The following POFUT2 variants were observed in gnomAD, a reference collection of about 807,000 sequenced individuals.
The protein encoded by POFUT2 is GDP-fucose protein O-fucosyltransferase 2.
POFUT2 carries 30 observed loss-of-function variants against 55.0 expected under a neutral mutation model. The observed-to-expected ratio is 0.55, with a 90% CI of 0.41 to 0.74. The LOEUF (loss-of-function observed/expected upper bound fraction) is 0.74, where lower values mean the gene tolerates loss of function less well. Ranked by LOEUF, POFUT2 falls within the 30% of genes least tolerant of loss-of-function variation. POFUT2 has a pLI of 0.00. For synonymous variants in POFUT2, 267 were observed against 231.1 expected (o/e 1.16, Z -1.41); for missense variants, 524 against 562.6 (o/e 0.93, Z 0.69).
chr21:45,276,111 C>T (rs2093260840), intron 6 of POFUT2, among the ~76,000 whole-genome samples: 2 of 152,162 alleles, frequency 1.3e-5, no homozygotes, highest in South Asian at 4.1e-4. Context: ...ATTGCTTGAA[C>T]CCGGGAGGCA....
chr21:45,282,257 T>C lies in POFUT2; in HGVS notation c.638+92A>G, dbSNP rs2030765630. The stretch of plus-strand genomic sequence containing the variant: ...GTCTGTGAGGTGGGTGGGCCAGGGA[T>C]GCGGGAGTATGGGCGGAGAGCCCCC... On this transcript the variant is annotated intron_variant, in intron 4 of 8. Coordinates refer to ENST00000349485, the MANE Select transcript of POFUT2 (RefSeq NM_133635.6). The surrounding 1 kb of genome is among the most constrained non-coding windows in gnomAD (Gnocchi z 4.6). 1 of 835,136 alleles carries C rather than the reference T, an allele frequency of 1.2e-6. No homozygotes were observed. Among genetic ancestry groups the C allele is most frequent in the Non-Finnish European group, 2.0e-6 (1 of 502,744 alleles). The allele number at this position is 835,136 out of a possible 1,614,324, so 51.7% of individuals were successfully genotyped here. A position where few individuals can be genotyped will look rare whatever the true frequency, so the allele number is the denominator to read the frequency against.
chr21:45,285,978 A>C lies in POFUT2; in HGVS notation c.132-50T>G. 6.5e-7 allele frequency: 1 copy of C among 1,537,674 alleles called. No individual in the cohort carries two copies. The highest frequency in any genetic ancestry group is 8.8e-7 in the Non-Finnish European group (1 of 1,139,530). ...AGGTCTCAAATGCTGAGGTTTCTGC[A>C]CGGAAAACCCGACTGCTCACAAGTC... On this transcript the variant is annotated intron_variant, in intron 1 of 8. Coordinates refer to ENST00000349485, the MANE Select transcript of POFUT2 (RefSeq NM_133635.6). This position sits in a 1 kb window ranked among gnomAD's most constrained non-coding sequence, Gnocchi z 4.9.
chr21:45,266,780 G>A, intron 8 of POFUT2: 1 of 997,330 alleles, frequency 1.0e-6, no homozygotes, highest in Non-Finnish European at 1.2e-6. Context: ...GCATTCCTCG[G>A]GCAGGAGAGA....
rs892014589 is a variant in POFUT2 at position 45,282,034 on chromosome 21, C to G, written c.638+315G>C. ...TAAAAGCTGCCCAAGTGCTACAAATCGAGAACAGTCTCATGGTGAGCTCCC... is the reference window on the plus strand; with the variant it reads ...TAAAAGCTGCCCAAGTGCTACAAATGGAGAACAGTCTCATGGTGAGCTCCC... On this transcript the variant is annotated intron_variant, in intron 4 of 8. Coordinates refer to ENST00000349485, the MANE Select transcript of POFUT2 (RefSeq NM_133635.6). The surrounding 1 kb of genome is among the most constrained non-coding windows in gnomAD (Gnocchi z 4.6). Among the ~76,000 whole-genome samples the G allele has an allele frequency of 1.3e-5, 2 of 152,140 alleles. No individual in the cohort carries two copies. Among genetic ancestry groups the G allele is most frequent in the East Asian group, 1.9e-4 (1 of 5,190 alleles).
At chr21:45,268,763 G>A (rs925738542) in intron 7 of POFUT2, among the ~76,000 whole-genome samples, 4 of 151,306 alleles carry the variant, frequency 2.6e-5, no homozygotes, top group African/African-American at 9.7e-5. Flanking sequence ...CCCCATCTGG[G>A]AAGTGAGGAG....
chr21:45,266,611 G>C (rs1292101998), intron 8 of POFUT2: 7 of 1,023,622 alleles, frequency 6.8e-6, no homozygotes, highest in Non-Finnish European at 8.2e-6. Flanking sequence ...CCTCCGCCCT[G>C]ACCTAAGAAG....
Position 45,277,022 on chromosome 21 carries a change from T to A in POFUT2, c.826A>T (p.Met276Leu), listed in dbSNP as rs1195449734. The A allele has an allele frequency of 6.2e-7, 1 of 1,613,876 alleles. No individual in the cohort carries two copies. Among genetic ancestry groups the A allele is most frequent in the Non-Finnish European group, 8.5e-7 (1 of 1,179,902 alleles). ...RIPFQEDWMK[M>L]KVKLGSALGG... ...ACAAAAGGGAGGGGGGCTACCTTCATCTTCATCCAGTCCTCCTGGAAGGGG... is the reference window on the plus strand; with the variant it reads ...ACAAAAGGGAGGGGGGCTACCTTCAACTTCATCCAGTCCTCCTGGAAGGGG... Residue 276 changes from methionine (M) to leucine (L), a missense_variant, in exon 6 of 9, where the codon ATG becomes TTG. This residue lies in a region of POFUT2 where 250 missense variants were observed against 318.2 expected (regional missense o/e 0.79). Coordinates refer to ENST00000349485, the MANE Select transcript of POFUT2 (RefSeq NM_133635.6). The surrounding 1 kb of genome is among the most constrained non-coding windows in gnomAD (Gnocchi z 6.9).
chr21:45,285,345 C>G lies in POFUT2; in HGVS notation c.382+333G>C. 2.7e-6 allele frequency: 1 copy of G among 371,446 alleles called. No homozygotes were observed. Among genetic ancestry groups the G allele is most frequent in the South Asian group, 2.3e-5 (1 of 43,408 alleles). 23.0% of individuals were successfully genotyped at this position (371,446 alleles called of 1,614,324 possible). On this transcript the variant is annotated intron_variant, in intron 2 of 8. Coordinates refer to ENST00000349485, the MANE Select transcript of POFUT2 (RefSeq NM_133635.6). The surrounding 1 kb of genome is among the most constrained non-coding windows in gnomAD (Gnocchi z 4.9). Reference sequence around the variant, plus strand: ...TGCGTCTTCCTGAACGTAAAACAGCCTTTCGCACAGGGAGCCGAGTCCTGT... The same window carrying G: ...TGCGTCTTCCTGAACGTAAAACAGCGTTTCGCACAGGGAGCCGAGTCCTGT...
chr21:45,274,608 A>T (rs2093246845), intron 6 of POFUT2, among the ~76,000 whole-genome samples: 1 of 152,240 alleles, frequency 6.6e-6, no homozygotes, highest in South Asian at 2.1e-4. Flanking sequence ...CCGCTATAAA[A>T]ATAGGTACCT....
Position 45,277,218 on chromosome 21 carries a change from G to C in POFUT2, c.706-76C>G. On this transcript the variant is annotated intron_variant, in intron 5 of 8. Coordinates refer to ENST00000349485, the MANE Select transcript of POFUT2 (RefSeq NM_133635.6). The surrounding 1 kb of genome is among the most constrained non-coding windows in gnomAD (Gnocchi z 6.9). ...CCCTCCCGGAGCGGGTTCTCCTGTC[G>C]CTGCCACCACCCACCCCCGCAGCTG... The C allele has an allele frequency of 6.4e-7, 1 of 1,556,050 alleles. No homozygotes were observed. The highest frequency in any genetic ancestry group is 8.7e-7 in the Non-Finnish European group (1 of 1,151,800).
chr21:45,271,331 G>A (rs936571435), intron 6 of POFUT2, among the ~76,000 whole-genome samples: 6 of 152,048 alleles, frequency 3.9e-5, no homozygotes, highest in Non-Finnish European at 5.9e-5. Context: ...TTTCAAATTA[G>A]CCCAATCCAA....
chr21:45,266,371 CCA>C (rs1310567870), intron 8 of POFUT2: 3 of 1,271,426 alleles, frequency 2.4e-6, no homozygotes, highest in Non-Finnish European at 3.1e-6. Context: ...CCTCACCACC[CCA>C]CACACAGGGG....
chr21:45,265,826 A>G lies in POFUT2; in HGVS notation c.1137-191T>C. On this transcript the variant is annotated intron_variant, in intron 8 of 8. Transcript: ENST00000349485. This position sits in a 1 kb window ranked among gnomAD's most constrained non-coding sequence, Gnocchi z 4.6. ...CACCCCTCGCTCAGGTGCCCTCGAC[A>G]TCGGCGCCCTGAGGGGCTCTGCCTG... is the stretch of plus-strand genomic sequence containing the variant. The G allele has an allele frequency of 7.1e-7, 1 of 1,402,846 alleles. No homozygotes were observed. The highest frequency in any genetic ancestry group is 9.3e-7 in the Non-Finnish European group (1 of 1,079,608). The allele number at this position is 1,402,846 out of a possible 1,614,324, so 86.9% of individuals were successfully genotyped here.
Position 45,267,263 on chromosome 21 carries a change from C to G in POFUT2, c.1136+327G>C. On this transcript the variant is annotated intron_variant, in intron 8 of 8. Coordinates refer to ENST00000349485, the MANE Select transcript of POFUT2 (RefSeq NM_133635.6). This position sits in a 1 kb window ranked among gnomAD's most constrained non-coding sequence, Gnocchi z 4.4. ...CCAAGTCCAGGGCACGGGCAACTCT[C>G]AGGGCAGGGGGCAGACAGGGGCAGA... 7.0e-7 allele frequency: 1 copy of G among 1,437,850 alleles called. No homozygotes were observed. Among genetic ancestry groups the G allele is most frequent in the Non-Finnish European group, 9.1e-7 (1 of 1,102,236 alleles). 89.1% of individuals were successfully genotyped at this position (1,437,850 alleles called of 1,614,324 possible). A position where few individuals can be genotyped will look rare whatever the true frequency, so the allele number is the denominator to read the frequency against.
In POFUT2 at chr21:45,270,636, C is replaced by G. The variant is rs866748826; in HGVS notation, c.832-617G>C. ...AACAAAACTACAACCAAGGACCCCCCCAGAGTCCACTTCACTCCCCCGCCA... is the reference window on the plus strand; with the variant it reads ...AACAAAACTACAACCAAGGACCCCCGCAGAGTCCACTTCACTCCCCCGCCA... On this transcript the variant is annotated intron_variant, in intron 6 of 8. Transcript: ENST00000349485. This position sits in a 1 kb window ranked among gnomAD's most constrained non-coding sequence, Gnocchi z 4.6. 6.0e-4 allele frequency among the ~76,000 whole-genome samples: 91 copies of G among 152,308 alleles called. No homozygotes were observed. Among genetic ancestry groups the G allele is most frequent in the African/African-American group, 2.1e-3 (87 of 41,564 alleles).
rs552885138 is a variant in POFUT2, at chr21:45,285,556, G to A, written c.382+122C>T. The A allele has an allele frequency of 8.1e-5, 96 of 1,188,436 alleles. No homozygotes were observed. In the African/African-American group the frequency reaches 9.3e-4, roughly 11 times the overall value. The allele number at this position is 1,188,436 out of a possible 1,614,324, so 73.6% of individuals were successfully genotyped here. On this transcript the variant is annotated intron_variant, in intron 2 of 8. Transcript: ENST00000349485. This position sits in a 1 kb window ranked among gnomAD's most constrained non-coding sequence, Gnocchi z 4.9. ...CCACAGGCCTCAGGCAGCAGCACTG[G>A]GCACTGGAGGATGCTGGTGAGGCTG...
Position 45,265,449 on chromosome 21 carries a change from TCGGGTC to T in POFUT2, c.*27_*32del. ...CAGAACCTGCATCCACCCGCGCCTG[TCGGGTC>T]CGGGGAGCGGCCCTGGAGGATCCTC... On this transcript the variant is annotated 3_prime_UTR_variant, in exon 9 of 9. Coordinates refer to ENST00000349485, the MANE Select transcript of POFUT2 (RefSeq NM_133635.6). This position sits in a 1 kb window ranked among gnomAD's most constrained non-coding sequence, Gnocchi z 4.6. 6.3e-7 allele frequency: 1 copy of T among 1,575,110 alleles called. No individual in the cohort carries two copies. The highest frequency in any genetic ancestry group is 8.6e-7 in the Non-Finnish European group (1 of 1,158,598).
At chr21:45,273,451 AAAG>A (rs138635951) in intron 6 of POFUT2, among the ~76,000 whole-genome samples, 1,802 of 152,310 alleles carry the variant, frequency 0.012, 26 homozygotes, top group African/African-American at 0.041. Context: ...TCAGACACTG[AAAG>A]AAGAAGTGGT....
intron 6 of POFUT2, among the ~76,000 whole-genome samples, chr21:45,274,616 C>T (rs1004566395): frequency 6.6e-6 from 1 of 152,110 alleles, no homozygotes; most frequent in African/African-American, 2.4e-5. Flanking sequence ...AAAATAGGTA[C>T]CTAGACCAGT....
Sources: gnomAD v4.1 joint callset for allele counts (sites outside exome capture counted in the v4.1 genomes callset) on GRCh38, gnomAD v4.1.1 for gene constraint, gnomAD v4.1.1 regional missense constraint, Gnocchi (gnomAD v3.1) non-coding constraint, MANE v1.5 for transcripts, NCBI Gene and HGNC (gene_info 2026-07-23, HGNC 2026-07-21) for gene names.